The following MARVELD2 variants were observed in gnomAD, a reference collection of about 807,000 sequenced individuals.
MARVELD2 encodes the protein MARVEL domain containing 2.
Under a neutral mutation model 57.6 loss-of-function variants are expected in MARVELD2, and 49 were observed. The observed-to-expected ratio is 0.85, with a 90% CI of 0.68 to 1.08. MARVELD2 has a LOEUF of 1.08. Among genes scored for constraint, MARVELD2 ranks in the 50% least tolerant of loss-of-function variants. MARVELD2 has a pLI of 0.00. For synonymous variants in MARVELD2, 238 were observed against 258.8 expected, an observed-to-expected ratio of 0.92 and a Z score of 0.77; for missense variants, 606 against 701.1, an observed-to-expected ratio of 0.86 and a Z score of 1.53.
rs772911556 is a variant in MARVELD2, at chr5:69,420,117, G to A, written c.732G>A (p.Gly244=). 9 of 1,613,916 alleles carry A rather than the reference G, an allele frequency of 5.6e-6. No individual in the cohort carries two copies. In the Admixed American group the frequency reaches 8.3e-5, roughly 15 times the overall value. Residue 244 remains glycine (G), a synonymous_variant, in exon 2 of 7, where the codon GGG becomes GGA. Coordinates refer to ENST00000325631, the MANE Select transcript of MARVELD2 (RefSeq NM_001038603.3). ...TTGGTGGATTGGGCAGTATGTATGGGGGCTATTACTACACTGGCCCTAAGA... is the reference window on the plus strand; with the variant it reads ...TTGGTGGATTGGGCAGTATGTATGGAGGCTATTACTACACTGGCCCTAAGA... ...GGVGGLGSMY[G]GYYYTGPKTP... is the part of the protein sequence containing the mutation.
At chr5:69,417,762 T>C (rs1036535003) in intron 1 of MARVELD2, among the ~76,000 whole-genome samples, 3 of 151,754 alleles carry the variant, frequency 2.0e-5, no homozygotes, top group African/African-American at 7.3e-5. Context: ...GCTAACATGG[T>C]CCCCATCTCT....
At chr5:69,425,919 G>A (rs1226100194) in intron 3 of MARVELD2, among the ~76,000 whole-genome samples, 3 of 151,602 alleles carry the variant, frequency 2.0e-5, no homozygotes, top group Non-Finnish European at 2.9e-5. Flanking sequence ...TAGTGGAGAC[G>A]GGGTTTCACC....
At position 69,420,539 on chromosome 5, in the gene MARVELD2, A is replaced by G. The variant is rs778262767; in HGVS notation, c.1146+8A>G. On this transcript the variant is annotated splice_region_variant and intron_variant, in intron 2 of 6. Coordinates refer to ENST00000325631, the MANE Select transcript of MARVELD2 (RefSeq NM_001038603.3). ...TATATGGAACAACAGGAGGTAAGTG[A>G]TTTCATAATCCCTCATTTGTGTGTG... 6 of 1,607,210 alleles carry G rather than the reference A, an allele frequency of 3.7e-6. No homozygotes were observed. The highest frequency in any genetic ancestry group is 5.1e-6 in the Non-Finnish European group (6 of 1,179,374).
chr5:69,442,349 G>A lies in MARVELD2; in HGVS notation c.*695G>A, dbSNP rs1767352422. On this transcript the variant is annotated 3_prime_UTR_variant, in exon 7 of 7. Coordinates refer to ENST00000325631, the MANE Select transcript of MARVELD2 (RefSeq NM_001038603.3). ...GGGAAAAAGGGTGACATCTTTCAAA[G>A]GTGTCATTTATTCCCTTGAAAGGTG... The A allele has an allele frequency of 6.6e-6, 1 of 152,096 alleles. No individual in the cohort carries two copies. The highest frequency in any genetic ancestry group is 2.4e-5 in the African/African-American group (1 of 41,420). The allele number at this position is 152,096 out of a possible 1,614,324, so 9.4% of individuals were successfully genotyped here.
At chr5:69,440,381 G>T (rs961280405) in intron 5 of MARVELD2, 69 bp from the exon 6 acceptor site, 20 of 775,194 alleles carry the variant, frequency 2.6e-5, no homozygotes, top group Non-Finnish European at 4.4e-5. Flanking sequence ...CTAATTCTCA[G>T]TGTGCTTTGA....
rs199632727 is a variant in MARVELD2, at chr5:69,438,892, T to TA, written c.1504-1549dup. Among the ~76,000 whole-genome samples the TA allele has an allele frequency of 8.1e-3, 1,197 of 148,374 alleles. 27 individuals carry two copies. Among genetic ancestry groups the TA allele is most frequent in the Middle Eastern group, 0.011 (3 of 284 alleles). On this transcript the variant is annotated intron_variant, in intron 5 of 6. Coordinates refer to ENST00000325631, the MANE Select transcript of MARVELD2 (RefSeq NM_001038603.3). Reference sequence around the variant, plus strand: ...CAGAATTGAGACTCCATCTCAAAAATAAAAAAAAATAAATATAAATAAAAA... The same window carrying TA: ...CAGAATTGAGACTCCATCTCAAAAATAAAAAAAAAATAAATATAAATAAAAA...
At chr5:69,424,800 G>A (rs189998157) in intron 3 of MARVELD2, among the ~76,000 whole-genome samples, 164 bp downstream of exon 3, 14 of 152,184 alleles carry the variant, frequency 9.2e-5, no homozygotes, top group African/African-American at 2.4e-4. Flanking sequence ...TGAGGAGGGC[G>A]GAGCACTTGA....
chr5:69,421,189 TAATG>T (rs1766616450), intron 2 of MARVELD2, among the ~76,000 whole-genome samples: 2 of 152,082 alleles, frequency 1.3e-5, no homozygotes, highest in Non-Finnish European at 2.9e-5. Context: ...GAATAAATAA[TAATG>T]AGAACAATAA....
At chr5:69,436,174 T>C (rs1767131429) in intron 5 of MARVELD2, among the ~76,000 whole-genome samples, 1 of 152,096 alleles carries the variant, frequency 6.6e-6, no homozygotes, top group South Asian at 2.1e-4. Flanking sequence ...ACATGTATGA[T>C]TAAATTTTAA....
At chr5:69,433,742 G>A (rs1430674074) in intron 5 of MARVELD2, 1 of 153,358 alleles carries the variant, frequency 6.5e-6, no homozygotes, top group South Asian at 2.0e-4. Flanking sequence ...TCAGGTGGGA[G>A]CCACCACGCC....
chr5:69,426,470 G>A (rs1032084614), intron 3 of MARVELD2, among the ~76,000 whole-genome samples: 14 of 151,640 alleles, frequency 9.2e-5, no homozygotes, highest in Non-Finnish European at 1.9e-4. Flanking sequence ...GAATAGCTGG[G>A]ATTACAGGCG....
At chr5:69,424,773 C>T in intron 3 of MARVELD2, 137 bp downstream of exon 3, 1 of 717,018 alleles carries the variant, frequency 1.4e-6, no homozygotes, top group Non-Finnish European at 2.4e-6. Context: ...ACCTGTAATC[C>T]CAGCACTTTG....
intron 5 of MARVELD2, among the ~76,000 whole-genome samples, chr5:69,434,953 A>G (rs1767086062): frequency 6.6e-6 from 1 of 151,622 alleles, no homozygotes; most frequent in African/African-American, 2.4e-5. Flanking sequence ...TTAGCCTCCC[A>G]AAGTGCTGGG....
intron 3 of MARVELD2, among the ~76,000 whole-genome samples, chr5:69,430,660 A>C (rs1485127733): frequency 6.6e-6 from 1 of 151,364 alleles, no homozygotes; most frequent in Admixed American, 6.6e-5. Context: ...CAGCCTCCTG[A>C]GTAGCTGGGA....
Position 69,442,906 on chromosome 5 carries a change from GCA to G in MARVELD2, c.*1253_*1254del, listed in dbSNP as rs1767366970. On this transcript the variant is annotated 3_prime_UTR_variant, in exon 7 of 7. Transcript: ENST00000325631. ...TGCAGTGGTGCGATCTCGGCTCACT[GCA>G]AGCTCCGCCTCCCAAGTTCACGTCA... 1 of 146,880 alleles carries G rather than the reference GCA, an allele frequency of 6.8e-6. No homozygotes were observed. Among genetic ancestry groups the G allele is most frequent in the Non-Finnish European group, 1.5e-5 (1 of 67,494 alleles). The allele number at this position is 146,880 out of a possible 1,614,324, so 9.1% of individuals were successfully genotyped here. A position where few individuals can be genotyped will look rare whatever the true frequency, so the allele number is the denominator to read the frequency against.
intron 3 of MARVELD2, among the ~76,000 whole-genome samples, chr5:69,430,700 A>G (rs1045296367): frequency 1.3e-5 from 2 of 149,938 alleles, no homozygotes; most frequent in African/African-American, 4.9e-5. Flanking sequence ...CATCCGGCTA[A>G]TTTTTGTATT....
intron 5 of MARVELD2, among the ~76,000 whole-genome samples, chr5:69,438,972 A>G (rs1415057999): frequency 6.6e-6 from 1 of 151,174 alleles, no homozygotes; most frequent in Non-Finnish European, 1.5e-5. Context: ...AGGCTGAGAC[A>G]GGAGGATCAC....
In MARVELD2 at chr5:69,443,200, C is replaced by CT. The variant is rs35672884; in HGVS notation, c.*1561dup. ...AATGTAGCATTTCCTTGGAAACTCCCTTTTTTTTTTTTTTTGAGATGGAGT... is the reference window on the plus strand; with the variant it reads ...AATGTAGCATTTCCTTGGAAACTCCCTTTTTTTTTTTTTTTTGAGATGGAGT... On this transcript the variant is annotated 3_prime_UTR_variant, in exon 7 of 7. Transcript: ENST00000325631. 62,165 of 137,146 alleles carry CT rather than the reference C, an allele frequency of 0.45. 14,534 individuals carry two copies. The highest frequency in any genetic ancestry group is 0.54 in the Admixed American group (7,100 of 13,142). 8.5% of individuals were successfully genotyped at this position (137,146 alleles called of 1,614,324 possible). A position where few individuals can be genotyped will look rare whatever the true frequency, so the allele number is the denominator to read the frequency against.
chr5:69,429,373 T>C (rs1163625426), intron 3 of MARVELD2, among the ~76,000 whole-genome samples: 2 of 152,156 alleles, frequency 1.3e-5, no homozygotes, highest in Non-Finnish European at 2.9e-5. Context: ...CCTGGCAAGA[T>C]GAAGATTAAG....
Sources: allele counts gnomAD v4.1 joint callset (sites outside exome capture counted in the v4.1 genomes callset), GRCh38; gene constraint gnomAD v4.1.1; transcripts MANE v1.5; gene names NCBI Gene and HGNC (gene_info 2026-07-23, HGNC 2026-07-21).